The following SRM variants were observed in gnomAD, a reference collection of about 807,000 sequenced individuals.
SRM encodes putrescine aminopropyltransferase.
Under a neutral mutation model 39.3 loss-of-function variants are expected in SRM, and 14 were observed. The observed-to-expected ratio is 0.36, with a 90% CI of 0.24 to 0.56. The LOEUF (loss-of-function observed/expected upper bound fraction) is 0.56, where lower values mean the gene tolerates loss of function less well. Ranked by LOEUF, SRM falls within the 20% of genes least tolerant of loss-of-function variation. The probability of loss-of-function intolerance (pLI) is 0.86; values close to 1 mark genes in which losing one functional copy is unlikely to be tolerated. For missense variants in SRM, 244 were observed against 409.2 expected, an observed-to-expected ratio of 0.60 and a Z score of 3.48; for synonymous variants, 195 against 173.1, an observed-to-expected ratio of 1.13 and a Z score of -0.99.
intron 4 of SRM, 33 bp from the exon 5 acceptor site, chr1:11,056,127 T>C: frequency 6.4e-7 from 1 of 1,566,200 alleles, no homozygotes; most frequent in South Asian, 1.2e-5. Context: ...CACTGAACAG[T>C]CTGGCTGTGA....
intron 3 of SRM, 111 bp from the exon 4 acceptor site, chr1:11,056,868 C>A (rs575477901): frequency 5.4e-6 from 6 of 1,102,240 alleles, no homozygotes; most frequent in Non-Finnish European, 7.8e-6. Context: ...TTGGCCAACC[C>A]CTTCCCTTTT....
rs7545802 is a variant in SRM, at chr1:11,059,842, T to C, written c.102A>G (p.Ser34=). Residue 34 remains serine, a synonymous_variant, in exon 1 of 8, where the codon TCA becomes TCG. Coordinates refer to ENST00000376957, the MANE Select transcript of SRM (RefSeq NM_003132.3). ...TCSLWPGQAL[S]LQVEQLLHHR... ...GGTGGAGCAGCTGCTCCACCTGCAG[T>C]GACAGGGCCTGGCCGGGCCACAGGC... 1,568,052 of 1,568,060 alleles carry C rather than the reference T, an allele frequency of 1. 784,022 individuals are homozygous for C. The highest frequency in any genetic ancestry group is 1 in the Middle Eastern group (5,854 of 5,854).
chr1:11,055,973 A>G, intron 5 of SRM, 38 bp downstream of exon 5: 1 of 1,318,576 alleles, frequency 7.6e-7, no homozygotes, highest in Non-Finnish European at 1.1e-6. Context: ...GCCCTGCCCC[A>G]CCCCGCCCCG....
intron 2 of SRM, 108 bp downstream of exon 2, chr1:11,059,117 C>A (rs1638931338): frequency 1.3e-6 from 2 of 1,567,650 alleles, no homozygotes; most frequent in South Asian, 2.4e-5. Flanking sequence ...ACGCCCCTGG[C>A]CTCGCTAGCA....
Position 11,054,670 on chromosome 1 carries a change from G to T in SRM, c.*195C>A. The T allele has an allele frequency of 4.0e-6, 3 of 742,984 alleles. No homozygotes were observed. The highest frequency in any genetic ancestry group is 3.0e-5 in the Admixed American group (1 of 32,962). 46.0% of individuals were successfully genotyped at this position (742,984 alleles called of 1,614,324 possible). A position where few individuals can be genotyped will look rare whatever the true frequency, so the allele number is the denominator to read the frequency against. On this transcript the variant is annotated 3_prime_UTR_variant, in exon 8 of 8. Coordinates refer to ENST00000376957, the MANE Select transcript of SRM (RefSeq NM_003132.3). The surrounding 1 kb of genome is among the most constrained non-coding windows in gnomAD (Gnocchi z 4.8). ...CGCTGTACACAGCTGGTATAGGCTTGGAGGTGGAACGCCAGAGAGACAGAC... is the reference window on the plus strand; with the variant it reads ...CGCTGTACACAGCTGGTATAGGCTTTGAGGTGGAACGCCAGAGAGACAGAC...
intron 2 of SRM, 26 bp from the exon 3 acceptor site, chr1:11,058,918 G>A (rs1638927407): frequency 6.3e-7 from 1 of 1,585,050 alleles, no homozygotes; most frequent in Admixed American, 1.8e-5. Context: ...AGTCAAGGCA[G>A]GGGCCCTGGC....
chr1:11,057,879 AGT>A (rs1397769977), intron 3 of SRM, among the ~76,000 whole-genome samples: 1 of 151,694 alleles, frequency 6.6e-6, no homozygotes, highest in Non-Finnish European at 1.5e-5. Flanking sequence ...CCCGGGCTCA[AGT>A]AATTCTTCCA....
intron 4 of SRM, 142 bp from the exon 5 acceptor site, chr1:11,056,236 G>C: frequency 1.2e-6 from 1 of 820,284 alleles, no homozygotes; most frequent in Non-Finnish European, 1.9e-6. Context: ...CATTCTTGGG[G>C]GAGTCTCATT....
Position 11,058,787 on chromosome 1 carries a change from C to A in SRM, c.381+13G>T. 1 of 1,598,572 alleles carries A rather than the reference C, an allele frequency of 6.3e-7. No individual in the cohort carries two copies. Among genetic ancestry groups the A allele is most frequent in the Admixed American group, 1.7e-5 (1 of 58,194 alleles). On this transcript the variant is annotated intron_variant, in intron 3 of 7. Transcript: ENST00000376957. ...GAACCAGGACTCAAACCTGGCTCTA[C>A]GCCGGCACTCACCTCGTCGATCTCA...
At chr1:11,058,986 C>T (rs1638928495) in intron 2 of SRM, 94 bp from the exon 3 acceptor site, 1 of 1,332,192 alleles carries the variant, frequency 7.5e-7, no homozygotes, top group Non-Finnish European at 1.0e-6. Context: ...GACCCACGGG[C>T]CTCATCTTTT....
chr1:11,055,952 C>A, intron 5 of SRM, 26 bp from the exon 6 acceptor site: 2 of 1,588,964 alleles, frequency 1.3e-6, no homozygotes, highest in Non-Finnish European at 1.7e-6. Flanking sequence ...CATCAGCATC[C>A]GGCAGGGCCT....
chr1:11,059,372 C>A, intron 1 of SRM, 27 bp from the exon 2 acceptor site: 2 of 1,610,268 alleles, frequency 1.2e-6, no homozygotes, highest in Non-Finnish European at 1.7e-6. Context: ...AGTCGGGGAC[C>A]TGGGTTCTCT....
chr1:11,056,857 C>T, intron 3 of SRM, 100 bp from the exon 4 acceptor site: 1 of 1,227,246 alleles, frequency 8.1e-7, no homozygotes, highest in South Asian at 1.3e-5. Flanking sequence ...GGCAAGCCGC[C>T]TTGGCCAACC....
In SRM at chr1:11,056,421, C is replaced by T. The variant is rs187780510; in HGVS notation, c.535+183G>A. On this transcript the variant is annotated intron_variant, in intron 4 of 7. Transcript: ENST00000376957. The stretch of plus-strand genomic sequence containing the variant: ...TCACCAGCTTGTGAATCTGGGCAGT[C>T]GCCTGGCTCCTGCCTACTGTCCTGA... 3.9e-4 allele frequency among the ~76,000 whole-genome samples: 59 copies of T among 152,300 alleles called. No individual in the cohort carries two copies. The East Asian group carries it at 0.01, about 27-fold the overall frequency.
chr1:11,056,784 G>A (rs1638885900), intron 3 of SRM, 27 bp from the exon 4 acceptor site: 1 of 1,613,202 alleles, frequency 6.2e-7, no homozygotes, highest in Non-Finnish European at 8.5e-7. Context: ...GGACCAGTCT[G>A]GGCCAAGGGG....
intron 6 of SRM, 35 bp from the exon 7 acceptor site, chr1:11,055,119 A>AT (rs1553162900): frequency 4.2e-6 from 6 of 1,438,730 alleles, no homozygotes; most frequent in Admixed American, 2.8e-5. Flanking sequence ...CAGGGGGGGC[A>AT]CTTTTTTTTT....
chr1:11,055,385 A>G (rs1253044618), intron 6 of SRM, among the ~76,000 whole-genome samples: 1 of 148,896 alleles, frequency 6.7e-6, no homozygotes, highest in Non-Finnish European at 1.5e-5. Flanking sequence ...CTGGAATTAC[A>G]GGCATGAGAC....
chr1:11,055,769 C>CAA lies in SRM; in HGVS notation c.765+11_765+12insTT. ...TCCCCCCAACCCCCACCCCCAGACACCCCCATCTCACCGGGTTCTTGCTGC... is the reference window on the plus strand; with the variant it reads ...TCCCCCCAACCCCCACCCCCAGACACAACCCCATCTCACCGGGTTCTTGCTGC... On this transcript the variant is annotated intron_variant, in intron 6 of 7. Coordinates refer to ENST00000376957, the MANE Select transcript of SRM (RefSeq NM_003132.3). The CAA allele has an allele frequency of 6.5e-7, 1 of 1,537,168 alleles. No individual in the cohort carries two copies.
chr1:11,059,711 G>C lies in SRM; in HGVS notation c.167+66C>G, dbSNP rs1570769203. On this transcript the variant is annotated intron_variant, in intron 1 of 7. Transcript: ENST00000376957. ...CTTGGGTCCCGGCGTGGAGAGGCCCGTGAGGCGGGCAGCAGGCGGCCCGGG... is the reference window on the plus strand; with the variant it reads ...CTTGGGTCCCGGCGTGGAGAGGCCCCTGAGGCGGGCAGCAGGCGGCCCGGG... 2.0e-6 allele frequency: 3 copies of C among 1,505,476 alleles called. No individual in the cohort carries two copies. In the East Asian group the frequency reaches 7.5e-5, roughly 38 times the overall value. 93.3% of individuals were successfully genotyped at this position (1,505,476 alleles called of 1,614,324 possible). A position where few individuals can be genotyped will look rare whatever the true frequency, so the allele number is the denominator to read the frequency against.
Sources: gnomAD v4.1 joint callset for allele counts (sites outside exome capture counted in the v4.1 genomes callset) on GRCh38, gnomAD v4.1.1 for gene constraint, Gnocchi (gnomAD v3.1) non-coding constraint, MANE v1.5 for transcripts, NCBI Gene and HGNC (gene_info 2026-07-23, HGNC 2026-07-21) for gene names.